ARMH3: variants seen among roughly 807,000 people sequenced by gnomAD.
The protein encoded by ARMH3 is armadillo-like helical domain-containing protein 3.
ARMH3 carries 60 observed loss-of-function variants against 99.1 expected under a neutral mutation model. The observed-to-expected ratio is 0.61, with a 90% CI of 0.49 to 0.75. The LOEUF (loss-of-function observed/expected upper bound fraction) is 0.75. Ranked by LOEUF, ARMH3 falls within the 30% of genes least tolerant of loss-of-function variation. ARMH3 has a pLI of 0.00. For missense variants in ARMH3, 679 were observed against 843.1 expected (o/e 0.81, Z 2.41); for synonymous variants, 285 against 292.8 (o/e 0.97, Z 0.27).
In ARMH3 at chr10:101,888,728, T is replaced by C. The variant is rs75385563; in HGVS notation, c.1860+684A>G. Among the ~76,000 whole-genome samples, 636 of 152,356 alleles carry C rather than the reference T, an allele frequency of 4.2e-3. 9 individuals are homozygous for C. Among genetic ancestry groups the C allele is most frequent in the African/African-American group, 0.014 (589 of 41,576 alleles). The stretch of plus-strand genomic sequence containing the variant: ...GGAACCATGTGAATAGGATGTCTTA[T>C]TTAGTGCTTTTTAAAAAAGGACTCA... On this transcript the variant is annotated intron_variant, in intron 24 of 25. Transcript: ENST00000370033.
chr10:101,935,198 T>TATATATATATATATATATAC (rs1491294491), intron 23 of ARMH3, among the ~76,000 whole-genome samples: 2 of 141,158 alleles, frequency 1.4e-5, no homozygotes, highest in East Asian at 2.2e-4. Flanking sequence ...TATATATATA[T>TATATATATATATATATATAC]ACATTTTTTG....
intron 19 of ARMH3, among the ~76,000 whole-genome samples, chr10:101,986,721 TG>T (rs1846529483): frequency 6.6e-6 from 1 of 152,190 alleles, no homozygotes; most frequent in Non-Finnish European, 1.5e-5. Flanking sequence ...GCTGCCCAGC[TG>T]GAAGCAGGAA....
At chr10:101,962,861 T>C (rs1298032545) in intron 20 of ARMH3, among the ~76,000 whole-genome samples, 1 of 152,160 alleles carries the variant, frequency 6.6e-6, no homozygotes, top group Non-Finnish European at 1.5e-5. Flanking sequence ...CCAATATCTA[T>C]ATTTGCCACC....
chr10:101,943,785 C>A (rs1410997337), intron 22 of ARMH3, among the ~76,000 whole-genome samples: 1 of 151,996 alleles, frequency 6.6e-6, no homozygotes, highest in Admixed American at 6.6e-5. Context: ...CAATTAGAGG[C>A]CAGGCACGGT....
intron 22 of ARMH3, among the ~76,000 whole-genome samples, chr10:101,940,520 T>C (rs948060761): frequency 2.6e-5 from 4 of 152,274 alleles, no homozygotes; most frequent in South Asian, 4.1e-4. Context: ...GTTACATATG[T>C]ATACATGTGC....
intron 12 of ARMH3, 98 bp from the exon 13 acceptor site, chr10:102,009,547 A>C (rs1200344142): frequency 1.9e-6 from 2 of 1,030,516 alleles, no homozygotes; most frequent in Non-Finnish European, 3.0e-6. Context: ...CCAGCGCCTC[A>C]TTATCAATTC....
At position 102,018,416 on chromosome 10, in the gene ARMH3, C is replaced by A. The variant is rs192725729; in HGVS notation, c.670-4392G>T. On this transcript the variant is annotated intron_variant, in intron 8 of 25. Coordinates refer to ENST00000370033, the MANE Select transcript of ARMH3 (RefSeq NM_024541.3). The stretch of plus-strand genomic sequence containing the variant: ...AGGAGTTTCTAGGCCAACAGCGATA[C>A]TTACATAAGCAGATTGCATAAGAAG... Among the ~76,000 whole-genome samples, 3 of 152,282 alleles carry A rather than the reference C, an allele frequency of 2.0e-5. No individual in the cohort carries two copies. In the East Asian group the frequency reaches 5.8e-4, roughly 29 times the overall value.
At chr10:101,942,793 G>A (rs1041139677) in intron 22 of ARMH3, among the ~76,000 whole-genome samples, 6 of 151,304 alleles carry the variant, frequency 4.0e-5, no homozygotes, top group African/African-American at 1.5e-4. Context: ...TTTAACCCTG[G>A]AGGCACAAGT....
intron 23 of ARMH3, among the ~76,000 whole-genome samples, chr10:101,915,385 C>G (rs1176867708): frequency 1.3e-5 from 2 of 152,130 alleles, no homozygotes; most frequent in East Asian, 1.9e-4. Flanking sequence ...CACATCTGCT[C>G]AGAGTAGTCA....
chr10:102,006,292 T>A (rs917815215), intron 14 of ARMH3, among the ~76,000 whole-genome samples: 1 of 152,244 alleles, frequency 6.6e-6, no homozygotes. Context: ...TAGCACTCCA[T>A]GCCTCTACAA....
At chr10:101,854,533 A>C (rs552361626) in intron 24 of ARMH3, among the ~76,000 whole-genome samples, 21 of 152,260 alleles carry the variant, frequency 1.4e-4, no homozygotes, top group African/African-American at 4.8e-4. Context: ...AAATGGCCTC[A>C]GTTTCAAGTA....
intron 1 of ARMH3, among the ~76,000 whole-genome samples, chr10:102,051,603 C>T (rs1190338199): frequency 2.0e-5 from 3 of 152,160 alleles, no homozygotes; most frequent in Non-Finnish European, 4.4e-5. Context: ...CAAACCACTA[C>T]AAGGCAGGGT....
chr10:101,938,616 G>C (rs535425334), intron 23 of ARMH3, among the ~76,000 whole-genome samples: 1 of 152,290 alleles, frequency 6.6e-6, no homozygotes, highest in Non-Finnish European at 1.5e-5. Context: ...TGGTGACCTG[G>C]TGCTTCATTC....
At chr10:101,979,784 T>C (rs1207099758) in intron 19 of ARMH3, among the ~76,000 whole-genome samples, 2 of 152,234 alleles carry the variant, frequency 1.3e-5, no homozygotes, top group Non-Finnish European at 2.9e-5. Context: ...TCCACTTTAA[T>C]AGCCTATGTT....
At chr10:101,958,066 C>T (rs1285811685) in intron 20 of ARMH3, among the ~76,000 whole-genome samples, 1 of 152,182 alleles carries the variant, frequency 6.6e-6, no homozygotes, top group African/African-American at 2.4e-5. Context: ...ATCAAATTTG[C>T]TCAATTTACA....
At chr10:101,872,226 T>C (rs1486718564) in intron 24 of ARMH3, among the ~76,000 whole-genome samples, 1 of 150,918 alleles carries the variant, frequency 6.6e-6, no homozygotes, top group Non-Finnish European at 1.5e-5. Context: ...TTAGAGAGTG[T>C]GTGTGTGTGT....
chr10:102,050,708 A>C (rs919142176), intron 1 of ARMH3, among the ~76,000 whole-genome samples: 1 of 151,310 alleles, frequency 6.6e-6, no homozygotes, highest in African/African-American at 2.4e-5. Context: ...ATATACAAAA[A>C]TTAGTCAGCG....
rs542669314 is a variant in ARMH3, at chr10:102,032,520, C to A, written c.306+506G>T. Among the ~76,000 whole-genome samples the A allele has an allele frequency of 2.8e-4, 43 of 152,272 alleles. No homozygotes were observed. The South Asian group carries it at 7.9e-3, about 28-fold the overall frequency. Reference sequence around the variant, plus strand: ...AGTTCAAGCAATTCTCCTGCCTCAACCTCCTGAGTAGATGGGATTACAGGT... The same window carrying A: ...AGTTCAAGCAATTCTCCTGCCTCAAACTCCTGAGTAGATGGGATTACAGGT... On this transcript the variant is annotated intron_variant, in intron 4 of 25. Coordinates refer to ENST00000370033, the MANE Select transcript of ARMH3 (RefSeq NM_024541.3).
rs1292739274 is a variant in ARMH3, at chr10:101,877,148, T to TA, written c.1860+12263dup. Among the ~76,000 whole-genome samples the TA allele has an allele frequency of 4.4e-4, 67 of 151,700 alleles. 1 individual carries two copies. Among genetic ancestry groups the TA allele is most frequent in the Non-Finnish European group, 1.6e-4 (11 of 67,926 alleles). On this transcript the variant is annotated intron_variant, in intron 24 of 25. Coordinates refer to ENST00000370033, the MANE Select transcript of ARMH3 (RefSeq NM_024541.3). ...GAGACCCTATCTCTACCAAAAAAAA[T>TA]AAAAAATAGCCAGACGTGGTAGCAC...
Sources: gnomAD v4.1 joint callset for allele counts (sites outside exome capture counted in the v4.1 genomes callset) on GRCh38, gnomAD v4.1.1 for gene constraint, MANE v1.5 for transcripts, NCBI Gene and HGNC (gene_info 2026-07-23, HGNC 2026-07-21) for gene names.